TNS1: variants seen among roughly 807,000 people sequenced by gnomAD.
TNS1 encodes the protein tensin 1.
In TNS1, 62 loss-of-function variants were observed where a neutral mutation model predicts 168.6. The observed-to-expected ratio is 0.37, with a 90% CI of 0.30 to 0.45. The LOEUF (loss-of-function observed/expected upper bound fraction) is 0.45, where lower values mean the gene tolerates loss of function less well. TNS1 is among the 20% of genes least tolerant of loss of function. TNS1 has a pLI of 1.00. For synonymous variants in TNS1, 934 were observed against 933.2 expected (o/e 1.00, Z -0.02); for missense variants, 2,240 against 2,339.4 (o/e 0.96, Z 0.88).
intron 4 of TNS1, among the ~76,000 whole-genome samples, chr2:217,914,728 C>T (rs113475094): frequency 5.3e-5 from 8 of 152,198 alleles, no homozygotes; most frequent in Non-Finnish European, 8.8e-5. Context: ...TTGTGATCCA[C>T]CCGCCTCAGC....
intron 11 of TNS1, among the ~76,000 whole-genome samples, chr2:217,891,933 G>C (rs1382502693): frequency 1.3e-5 from 2 of 152,046 alleles, no homozygotes; most frequent in African/African-American, 4.8e-5. Flanking sequence ...GACCTGCCTC[G>C]CCACTGCCCT....
chr2:217,975,571 T>C (rs887127902), intron 3 of TNS1, among the ~76,000 whole-genome samples: 21 of 152,006 alleles, frequency 1.4e-4, no homozygotes, highest in South Asian at 2.1e-4. Flanking sequence ...CCCAAGTGCA[T>C]GGGGGGACTG....
chr2:217,818,357 T>C lies in TNS1; in HGVS notation c.3975A>G (p.Pro1325=). 8 of 1,614,166 alleles carry C rather than the reference T, an allele frequency of 5.0e-6. No homozygotes were observed. Among genetic ancestry groups the C allele is most frequent in the Non-Finnish European group, 6.8e-6 (8 of 1,180,032 alleles). Residue 1325 remains proline (P), a synonymous_variant, in exon 24 of 33, where the codon CCA becomes CCG. Transcript: ENST00000682258. ...CAGTGCTACCATGGAAGCCAGTGCC[T>C]GGTGGACCCATCATCTGGTGATGGC... The part of the protein sequence containing the change: ...SLSHHQMMGP[P]GTGFHGSTVS...
rs1958785712 is a variant in TNS1, at chr2:218,019,130, A to T, written c.156+14690T>A. Among the ~76,000 whole-genome samples the T allele has an allele frequency of 2.0e-5, 3 of 152,284 alleles. No individual in the cohort carries two copies. In the South Asian group the frequency reaches 6.2e-4, roughly 32 times the overall value. On this transcript the variant is annotated intron_variant, in intron 1 of 1. Coordinates refer to the TNS1 transcript ENST00000649572. ...TAAAGGAATTATATACAATGTACAC[A>T]GACACACATAAAGCACATGTCTCCC...
chr2:218,004,441 C>T (rs1958635375), upstream of TNS1, among the ~76,000 whole-genome samples: 1 of 152,188 alleles, frequency 6.6e-6, no homozygotes, highest in Non-Finnish European at 1.5e-5. Flanking sequence ...CTACCAGCCT[C>T]CTCTTTCACA....
At position 217,848,805 on chromosome 2, in the gene TNS1, C is replaced by T. The variant is rs369539752; in HGVS notation, c.1712G>A (p.Gly571Asp). ...TTGCTTCTCTCGCTCTAAGCCAAAG[C>T]CACTCAGCAGGCGGTCCAGCTCCCG... ...EKRELDRLLS[G>D]FGLEREKQGA... Residue 571 changes from glycine (G) to aspartate (D), a missense_variant, in exon 19 of 33, where the codon GGC becomes GAC. Coordinates refer to ENST00000682258, the MANE Select transcript of TNS1 (RefSeq NM_001387777.1). 6.2e-7 allele frequency: 1 copy of T among 1,613,986 alleles called. No homozygotes were observed. The highest frequency in any genetic ancestry group is 8.5e-7 in the Non-Finnish European group (1 of 1,180,028).
intron 3 of TNS1, among the ~76,000 whole-genome samples, chr2:217,960,028 C>T (rs1315191382): frequency 6.6e-6 from 1 of 151,992 alleles, no homozygotes; most frequent in East Asian, 1.9e-4. Context: ...GCAGCAGCTG[C>T]AGAGGGTCTA....
rs1042594528 is a variant in TNS1, at chr2:218,033,653, C to T, written c.156+167G>A. 2.6e-5 allele frequency among the ~76,000 whole-genome samples: 4 copies of T among 152,126 alleles called. No individual in the cohort carries two copies. Among genetic ancestry groups the T allele is most frequent in the African/African-American group, 9.7e-5 (4 of 41,430 alleles). ...CTACCCAACTGGAGGCCCCTTCACC[C>T]GGTCGTGGTCCTTCCTCCCCCTTGG... On this transcript the variant is annotated intron_variant, in intron 1 of 1. Transcript: ENST00000649572. This position sits in a 1 kb window ranked among gnomAD's most constrained non-coding sequence, Gnocchi z 4.3.
At chr2:217,804,671 C>T in intron 32 of TNS1, 68 bp from the exon 33 acceptor site, 1 of 1,592,560 alleles carries the variant, frequency 6.3e-7, no homozygotes, top group Non-Finnish European at 8.6e-7. Flanking sequence ...GGACAGCAGC[C>T]CAGGTGAGCA....
chr2:218,031,167 G>T (rs564210533), intron 1 of TNS1, among the ~76,000 whole-genome samples: 3 of 147,786 alleles, frequency 2.0e-5, no homozygotes, highest in African/African-American at 7.5e-5. Context: ...ATGTCTATGA[G>T]TGTCTTGTGT....
At chr2:217,915,000 G>A (rs973575938) in intron 4 of TNS1, among the ~76,000 whole-genome samples, 3 of 152,162 alleles carry the variant, frequency 2.0e-5, no homozygotes, top group Non-Finnish European at 4.4e-5. Flanking sequence ...ACAAGTTGGG[G>A]TTTTCAACCT....
intron 3 of TNS1, among the ~76,000 whole-genome samples, chr2:217,976,313 A>G (rs1001702091): frequency 2.0e-5 from 3 of 152,186 alleles, no homozygotes; most frequent in Non-Finnish European, 2.9e-5. Context: ...GGACAAGATG[A>G]CCTCAAGGTT....
At chr2:217,859,671 G>T in intron 18 of TNS1, 1 of 1,536,226 alleles carries the variant, frequency 6.5e-7, no homozygotes, top group Non-Finnish European at 8.7e-7. Context: ...GCTTCCAATT[G>T]ACTGGCTATT....
chr2:218,024,640 C>G (rs750416582), intron 1 of TNS1, among the ~76,000 whole-genome samples: 3 of 152,126 alleles, frequency 2.0e-5, no homozygotes, highest in Non-Finnish European at 4.4e-5. Flanking sequence ...GCACCCCTGC[C>G]CCACACATCA....
intron 19 of TNS1, among the ~76,000 whole-genome samples, chr2:217,844,164 C>T (rs1574765982): frequency 6.6e-6 from 1 of 152,264 alleles, no homozygotes; most frequent in East Asian, 1.9e-4. Flanking sequence ...ATTGGTTCTA[C>T]CCCCACAGTA....
chr2:217,999,301 C>T (rs1019766648), intron 1 of TNS1, among the ~76,000 whole-genome samples: 4 of 152,210 alleles, frequency 2.6e-5, no homozygotes, highest in African/African-American at 9.6e-5. Flanking sequence ...ATTTCTTGAG[C>T]TCTTACATGT....
At chr2:217,916,863 T>C (rs1035496845) in intron 4 of TNS1, among the ~76,000 whole-genome samples, 2 of 151,700 alleles carry the variant, frequency 1.3e-5, no homozygotes, top group Non-Finnish European at 2.9e-5. Context: ...AACTGAGACA[T>C]GAAGAAAACA....
chr2:217,837,927 C>T (rs1045728111), intron 19 of TNS1, among the ~76,000 whole-genome samples: 18 of 152,200 alleles, frequency 1.2e-4, no homozygotes, highest in African/African-American at 4.3e-4. Context: ...CTTAGCTCCC[C>T]GGAGCCCCCA....
In TNS1 at chr2:217,849,059, T is replaced by C; in HGVS notation, c.1458A>G (p.Leu486=). ...EEVVGHTQGP[L]DGSLYAKVKK... ...TCACCTTAGCATACAGGCTCCCATC[T>C]AGTGGCCCCTGCGTGTGTCCCACCA... Residue 486 remains leucine, a synonymous_variant, in exon 19 of 33, where the codon CTA becomes CTG. Transcript: ENST00000682258. 1 of 1,612,930 alleles carries C rather than the reference T, an allele frequency of 6.2e-7. No homozygotes were observed. The highest frequency in any genetic ancestry group is 1.8e-4 in the Middle Eastern group (1 of 5,590).
Sources: gnomAD v4.1 joint callset for allele counts (sites outside exome capture counted in the v4.1 genomes callset) on GRCh38, gnomAD v4.1.1 for gene constraint, Gnocchi (gnomAD v3.1) non-coding constraint, MANE v1.5 for transcripts, NCBI Gene and HGNC (gene_info 2026-07-23, HGNC 2026-07-21) for gene names.